ZEB1: variants seen among roughly 807,000 people sequenced by gnomAD.
The protein encoded by ZEB1 is zinc finger E-box-binding homeobox 1.
In ZEB1, 21 loss-of-function variants were observed where a neutral mutation model predicts 84.9. The ratio of observed to expected loss-of-function variants is 0.25; its 90% CI spans 0.18 to 0.36. The LOEUF is 0.36. ZEB1 is among the 10% of genes least tolerant of loss of function. ZEB1 has a pLI of 1.00. For synonymous variants in ZEB1, 420 were observed against 471.1 expected (o/e 0.89, Z 1.41); for missense variants, 1,104 against 1,330.2 (o/e 0.83, Z 2.65).
chr10:31,396,020 T>C (rs1029755296), intron 1 of ZEB1, among the ~76,000 whole-genome samples: 4 of 152,218 alleles, frequency 2.6e-5, no homozygotes, highest in Non-Finnish European at 5.9e-5. Context: ...TTGGGCATTG[T>C]CACTTAACAG....
chr10:31,321,157 C>A, intron 1 of ZEB1: 1 of 1,063,302 alleles, frequency 9.4e-7, no homozygotes, highest in Non-Finnish European at 1.1e-6. Context: ...CTCTGGGATG[C>A]GAAACGCGAG....
chr10:31,471,417 GTC>G (rs2063221769), intron 2 of ZEB1, among the ~76,000 whole-genome samples: 3 of 151,562 alleles, frequency 2.0e-5, no homozygotes, highest in Non-Finnish European at 4.4e-5. Flanking sequence ...TGCAATCCTA[GTC>G]TCTGATAAAA....
At chr10:31,368,219 A>G (rs765382001) in intron 1 of ZEB1, among the ~76,000 whole-genome samples, 1 of 152,094 alleles carries the variant, frequency 6.6e-6, no homozygotes, top group South Asian at 2.1e-4. Context: ...CGCTGGTACA[A>G]TCATGGCTTA....
Position 31,468,320 on chromosome 10 carries a change from A to T in ZEB1, c.259+7083A>T, listed in dbSNP as rs948145486. ...CCTTATCAACAAAGGCCAAGTAAAA[A>T]TCCCACTGTCATCACTGCAGCTGCC... On this transcript the variant is annotated intron_variant, in intron 2 of 8. Transcript: ENST00000424869. Among the ~76,000 whole-genome samples the T allele has an allele frequency of 3.3e-5, 5 of 151,990 alleles. No individual in the cohort carries two copies. In the South Asian group the frequency reaches 1.0e-3, roughly 32 times the overall value.
chr10:31,451,700 C>G (rs1374194706), intron 1 of ZEB1, among the ~76,000 whole-genome samples: 2 of 152,134 alleles, frequency 1.3e-5, no homozygotes, highest in Admixed American at 6.6e-5. Context: ...ACTGTTTCAT[C>G]TATCTGTGAG....
At chr10:31,326,826 T>C (rs2035598259) in intron 1 of ZEB1, among the ~76,000 whole-genome samples, 1 of 152,238 alleles carries the variant, frequency 6.6e-6, no homozygotes, top group African/African-American at 2.4e-5. Flanking sequence ...GTAGTTGATG[T>C]AGTTATATCA....
chr10:31,465,449 G>A (rs868235424), intron 2 of ZEB1, among the ~76,000 whole-genome samples: 11 of 150,828 alleles, frequency 7.3e-5, no homozygotes, highest in Admixed American at 2.6e-4. Flanking sequence ...TAAACCATGC[G>A]ATTGCAAAAA....
At chr10:31,415,263 C>T (rs373330668) in intron 1 of ZEB1, among the ~76,000 whole-genome samples, 2 of 151,962 alleles carry the variant, frequency 1.3e-5, no homozygotes, top group South Asian at 2.1e-4. Context: ...AATATATAGC[C>T]CCTTTACTGT....
At chr10:31,356,515 C>CT (rs2042152480) in intron 1 of ZEB1, among the ~76,000 whole-genome samples, 2 of 152,190 alleles carry the variant, frequency 1.3e-5, no homozygotes, top group South Asian at 4.1e-4. Flanking sequence ...TTAAGAAACA[C>CT]TTTTTTCATG....
intron 1 of ZEB1, among the ~76,000 whole-genome samples, chr10:31,416,065 T>C (rs1266969997): frequency 6.6e-6 from 1 of 152,098 alleles, no homozygotes; most frequent in African/African-American, 2.4e-5. Context: ...TTTGAAATTA[T>C]TTTCTCAGTT....
chr10:31,341,004 G>T (rs1248620637), intron 1 of ZEB1, among the ~76,000 whole-genome samples: 1 of 152,092 alleles, frequency 6.6e-6, no homozygotes, highest in African/African-American at 2.4e-5. Flanking sequence ...AGAGTGATTG[G>T]AGTTGAGTCT....
intron 1 of ZEB1, among the ~76,000 whole-genome samples, chr10:31,325,633 A>G (rs1250616989): frequency 2.0e-5 from 3 of 152,134 alleles, no homozygotes; most frequent in South Asian, 2.1e-4. Context: ...ATGTTTTGTG[A>G]TCTCTTAATT....
chr10:31,499,852 G>A (rs1169801074), intron 3 of ZEB1, among the ~76,000 whole-genome samples: 2 of 151,946 alleles, frequency 1.3e-5, no homozygotes, highest in Non-Finnish European at 1.5e-5. Context: ...GTAAAGTCAA[G>A]ATTAAGATTA....
chr10:31,490,273 T>A (rs2066349010), intron 2 of ZEB1, among the ~76,000 whole-genome samples: 1 of 151,578 alleles, frequency 6.6e-6, no homozygotes, highest in African/African-American at 2.4e-5. Flanking sequence ...TATTCAGTTT[T>A]TTTTCTGCAC....
At chr10:31,497,824 C>T (rs72807309) in intron 3 of ZEB1, among the ~76,000 whole-genome samples, 1,781 of 151,940 alleles carry the variant, frequency 0.012, 20 homozygotes, top group Middle Eastern at 0.024. Context: ...TCCTTCTGAG[C>T]GTCCCTTTTT....
At chr10:31,471,197 A>G (rs2063192122) in intron 2 of ZEB1, among the ~76,000 whole-genome samples, 1 of 124,160 alleles carries the variant, frequency 8.1e-6, no homozygotes. Flanking sequence ...TGACAGGATC[A>G]AATTCACACA....
chr10:31,528,262 C>T lies in ZEB1; in HGVS notation c.*998C>T, dbSNP rs1359120307. ...AAAATTCCCAAATAAAACTTAAAACCACTGACTCTGTCAGAGAAACTGAAA... is the reference window on the plus strand; with the variant it reads ...AAAATTCCCAAATAAAACTTAAAACTACTGACTCTGTCAGAGAAACTGAAA... On this transcript the variant is annotated 3_prime_UTR_variant, in exon 9 of 9. Coordinates refer to ENST00000424869, the MANE Select transcript of ZEB1 (RefSeq NM_001174096.2). 2 of 152,156 alleles carry T rather than the reference C, an allele frequency of 1.3e-5. No homozygotes were observed. Among genetic ancestry groups the T allele is most frequent in the Non-Finnish European group, 2.9e-5 (2 of 68,014 alleles). The allele number at this position is 152,156 out of a possible 1,614,324, so 9.4% of individuals were successfully genotyped here. A position where few individuals can be genotyped will look rare whatever the true frequency, so the allele number is the denominator to read the frequency against.
intron 2 of ZEB1, 55 bp downstream of exon 2, chr10:31,461,292 A>G: frequency 6.7e-7 from 1 of 1,495,722 alleles, no homozygotes; most frequent in Non-Finnish European, 9.1e-7. Context: ...TTTTTAAAAT[A>G]TATATTAACT....
chr10:31,410,151 T>C (rs1221931336), intron 1 of ZEB1, among the ~76,000 whole-genome samples: 1 of 152,238 alleles, frequency 6.6e-6, no homozygotes, highest in Non-Finnish European at 1.5e-5. Context: ...GGGTTTGTCA[T>C]AAATGGCTGT....
Sources: gnomAD v4.1 joint callset for allele counts (sites outside exome capture counted in the v4.1 genomes callset) on GRCh38, gnomAD v4.1.1 for gene constraint, MANE v1.5 for transcripts, NCBI Gene and HGNC (gene_info 2026-07-23, HGNC 2026-07-21) for gene names.